The following MCTP1 variants were observed in gnomAD, a reference collection of about 807,000 sequenced individuals.
MCTP1 encodes the protein multiple C2 and transmembrane domain containing 1, also known as multiple C2 and transmembrane domain-containing protein 1.
Under a neutral mutation model 120.6 loss-of-function variants are expected in MCTP1, and 69 were observed. The ratio of observed to expected loss-of-function variants is 0.57; its 90% CI spans 0.47 to 0.70. The LOEUF is 0.70. Among genes scored for constraint, MCTP1 ranks in the 30% least tolerant of loss-of-function variants. MCTP1 has a pLI of 0.00. For synonymous variants in MCTP1, 529 were observed against 493.1 expected, an observed-to-expected ratio of 1.07 and a Z score of -0.96; for missense variants, 1,203 against 1,248.8, an observed-to-expected ratio of 0.96 and a Z score of 0.55.
chr5:94,764,460 T>C (rs1772084684), intron 19 of MCTP1, among the ~76,000 whole-genome samples: 1 of 152,000 alleles, frequency 6.6e-6, no homozygotes, highest in Admixed American at 6.6e-5. Context: ...AAATTTTCAA[T>C]GAAAAAACAA....
chr5:95,059,522 A>G (rs1417137387), intron 1 of MCTP1, among the ~76,000 whole-genome samples: 1 of 152,146 alleles, frequency 6.6e-6, no homozygotes, highest in Admixed American at 6.5e-5. Context: ...TATGCAATAT[A>G]CCCAAGTAAT....
At chr5:94,739,917 C>G (rs1490372616) in intron 19 of MCTP1, among the ~76,000 whole-genome samples, 1 of 152,304 alleles carries the variant, frequency 6.6e-6, no homozygotes, top group Non-Finnish European at 1.5e-5. Flanking sequence ...ATCCACCCAC[C>G]TCAGTCTCCC....
At chr5:95,271,309 A>C (rs1218265520) in intron 1 of MCTP1, among the ~76,000 whole-genome samples, 1 of 152,208 alleles carries the variant, frequency 6.6e-6, no homozygotes, top group African/African-American at 2.4e-5. Flanking sequence ...CTAGGCAGCC[A>C]CCCACGACAT....
At chr5:94,829,387 GC>G (rs1656183304) in intron 17 of MCTP1, among the ~76,000 whole-genome samples, 1 of 152,222 alleles carries the variant, frequency 6.6e-6, no homozygotes, top group African/African-American at 2.4e-5. Context: ...CTCGCTGGGA[GC>G]TGCAGACCAC....
Position 95,283,950 on chromosome 5 carries a change from TGCTCCAG to T in MCTP1, c.619_625del (p.Leu207SerfsTer34). On this transcript the variant is annotated frameshift_variant, in exon 1 of 23. Coordinates refer to ENST00000515393, the MANE Select transcript of MCTP1 (RefSeq NM_024717.7). LOFTEE classifies it high-confidence loss of function. Reference sequence around the variant, plus strand: ...GGGAGGAGGCGGCGGCTCCAGCAGCTGCTCCAGGCAGGCGGTGCCCGGCAGAGAGGAG... The same window carrying T: ...GGGAGGAGGCGGCGGCTCCAGCAGCTGCAGGCGGTGCCCGGCAGAGAGGAG... 7.1e-7 allele frequency: 1 copy of T among 1,408,122 alleles called. No individual in the cohort carries two copies. 87.2% of individuals were successfully genotyped at this position (1,408,122 alleles called of 1,614,324 possible).
intron 1 of MCTP1, among the ~76,000 whole-genome samples, chr5:95,191,128 AT>A (rs1749784125): frequency 6.6e-6 from 1 of 151,970 alleles, no homozygotes; most frequent in Non-Finnish European, 1.5e-5. Context: ...GTTTTGTCCA[AT>A]TTACTTTAAT....
At chr5:95,003,251 T>C (rs567249703) in intron 2 of MCTP1, among the ~76,000 whole-genome samples, 14 of 152,320 alleles carry the variant, frequency 9.2e-5, no homozygotes, top group African/African-American at 3.4e-4. Context: ...TTTTTATCTT[T>C]TATATCATAT....
At chr5:94,806,449 ATTTCT>A (rs1432756651) in intron 17 of MCTP1, among the ~76,000 whole-genome samples, 1 of 152,180 alleles carries the variant, frequency 6.6e-6, no homozygotes, top group African/African-American at 2.4e-5. Context: ...TAGCAACACC[ATTTCT>A]TAGGAGGTGC....
At chr5:94,911,460 A>G in intron 9 of MCTP1, among the ~76,000 whole-genome samples, 1 of 152,118 alleles carries the variant, frequency 6.6e-6, no homozygotes, top group East Asian at 1.9e-4. Context: ...TGTTCTTATG[A>G]TAGTGAATGC....
At chr5:94,752,522 A>C (rs994180782) in intron 19 of MCTP1, among the ~76,000 whole-genome samples, 1 of 152,088 alleles carries the variant, frequency 6.6e-6, no homozygotes, top group African/African-American at 2.4e-5. Context: ...CACCCAGTTA[A>C]AACAATTCCT....
At chr5:94,977,429 T>G (rs529502514) in intron 2 of MCTP1, among the ~76,000 whole-genome samples, 3 of 151,844 alleles carry the variant, frequency 2.0e-5, no homozygotes, top group African/African-American at 7.3e-5. Context: ...GAAATCTCTA[T>G]CAAATTCCAA....
At chr5:95,162,501 C>A (rs1745855741) in intron 1 of MCTP1, among the ~76,000 whole-genome samples, 1 of 152,044 alleles carries the variant, frequency 6.6e-6, no homozygotes, top group South Asian at 2.1e-4. Context: ...GTGAAGTTAC[C>A]AAACCTGTAG....
intron 17 of MCTP1, among the ~76,000 whole-genome samples, chr5:94,821,525 T>C (rs1413213825): frequency 6.6e-6 from 1 of 152,204 alleles, no homozygotes; most frequent in Non-Finnish European, 1.5e-5. Flanking sequence ...TTCCTTTATT[T>C]AGACATGCAA....
At chr5:95,267,463 C>T (rs979068515) in intron 1 of MCTP1, among the ~76,000 whole-genome samples, 10 of 152,242 alleles carry the variant, frequency 6.6e-5, no homozygotes, top group African/African-American at 2.4e-4. Context: ...ATTTACTTTC[C>T]AATAGTACTC....
rs764058261 is a variant in MCTP1 at position 94,953,223 on chromosome 5, A to G, written c.977T>C (p.Ile326Thr). 3 of 1,609,440 alleles carry G rather than the reference A, an allele frequency of 1.9e-6. No homozygotes were observed. In the African/African-American group the frequency reaches 4.0e-5, roughly 22 times the overall value. The change falls in exon 3 of 23, where the codon ATA (isoleucine) becomes ACA (threonine). Residue 326 changes from isoleucine to threonine, a missense_variant. Ile to Thr is a moderately conservative substitution (Grantham distance 89, BLOSUM62 -1). Around this residue, in one of 2 missense-constraint regions of MCTP1, gnomAD observed 740 missense variants for 871.1 expected, o/e 0.85. Coordinates refer to ENST00000515393, the MANE Select transcript of MCTP1 (RefSeq NM_024717.7). ...LVDHLREPLY[I>T]KVFDYDFGLQ... The stretch of plus-strand genomic sequence containing the variant: ...AAAAACAAATAAATGGCTCACCTTT[A>G]TATACAATGGCTCCCTAAGATGATC...
intron 1 of MCTP1, among the ~76,000 whole-genome samples, chr5:95,195,572 G>A (rs193245471): frequency 1.3e-5 from 2 of 152,108 alleles, no homozygotes; most frequent in South Asian, 2.1e-4. Flanking sequence ...GAGCAGAAAG[G>A]GTTTCAGGAG....
At chr5:95,247,601 C>T (rs1167743901) in intron 1 of MCTP1, among the ~76,000 whole-genome samples, 1 of 152,152 alleles carries the variant, frequency 6.6e-6, no homozygotes, top group Non-Finnish European at 1.5e-5. Context: ...TCTTTGTTCT[C>T]ATTGGTTTCA....
chr5:94,785,437 C>T (rs1306953419), intron 18 of MCTP1, among the ~76,000 whole-genome samples: 2 of 151,916 alleles, frequency 1.3e-5, no homozygotes, highest in East Asian at 3.9e-4. Context: ...CTGGAATGTG[C>T]TTTTTAAATA....
intron 1 of MCTP1, among the ~76,000 whole-genome samples, chr5:95,150,547 G>T (rs1760794919): frequency 6.6e-6 from 1 of 152,120 alleles, no homozygotes; most frequent in South Asian, 2.1e-4. Context: ...GATGAGAAAA[G>T]TTAAAATTAA....
Sources: allele counts gnomAD v4.1 joint callset (sites outside exome capture counted in the v4.1 genomes callset), GRCh38; gene constraint gnomAD v4.1.1; regional missense constraint gnomAD v4.1.1; transcripts MANE v1.5; gene names NCBI Gene and HGNC (gene_info 2026-07-23, HGNC 2026-07-21).